GRID2: variants seen among roughly 807,000 people sequenced by gnomAD.
The protein encoded by GRID2 is glutamate ionotropic receptor delta type subunit 2.
A neutral mutation model predicts 114.8 loss-of-function variants in GRID2; 33 were observed. The ratio of observed to expected loss-of-function variants is 0.29; its 90% CI spans 0.22 to 0.38. GRID2 has a LOEUF of 0.38. GRID2 is among the 10% of genes least tolerant of loss of function. The pLI is 1.00. For synonymous variants in GRID2, 505 were observed against 449.9 expected, an observed-to-expected ratio of 1.12 and a Z score of -1.55; for missense variants, 1,184 against 1,257.7, an observed-to-expected ratio of 0.94 and a Z score of 0.89.
chr4:92,736,550 G>A (rs928509821), intron 2 of GRID2, among the ~76,000 whole-genome samples: 3 of 151,890 alleles, frequency 2.0e-5, no homozygotes, highest in Non-Finnish European at 4.4e-5. Flanking sequence ...TTAACCTATC[G>A]AATGTCCTAA....
intron 2 of GRID2, among the ~76,000 whole-genome samples, chr4:92,709,376 A>G (rs1162881475): frequency 6.6e-6 from 1 of 151,920 alleles, no homozygotes; most frequent in Non-Finnish European, 1.5e-5. Flanking sequence ...TACGAAGATG[A>G]TTAAGATAAA....
intron 14 of GRID2, among the ~76,000 whole-genome samples, chr4:93,763,232 G>A (rs1560984903): frequency 6.6e-6 from 1 of 152,058 alleles, no homozygotes; most frequent in Non-Finnish European, 1.5e-5. Flanking sequence ...AAAAGAGTAA[G>A]GGAAAAGAGA....
chr4:93,034,149 AG>A (rs1300032330), intron 2 of GRID2, among the ~76,000 whole-genome samples: 2 of 152,208 alleles, frequency 1.3e-5, no homozygotes, highest in African/African-American at 4.8e-5. Context: ...TGAACAACAT[AG>A]GGAAAGAAGA....
At chr4:92,757,237 T>C (rs1737762988) in intron 2 of GRID2, among the ~76,000 whole-genome samples, 1 of 152,112 alleles carries the variant, frequency 6.6e-6, no homozygotes. Context: ...GGAGAATACA[T>C]TGTGGAGGCC....
Position 92,669,929 on chromosome 4 carries a change from A to G in GRID2, c.244+79643A>G, listed in dbSNP as rs533722688. ...AATCAACTAAAGAGAACTTCCAGAT[A>G]TATTCTGTACTGTAGGTAATTGAGC... is the stretch of plus-strand genomic sequence containing the variant. On this transcript the variant is annotated intron_variant, in intron 2 of 15. Coordinates refer to ENST00000282020, the MANE Select transcript of GRID2 (RefSeq NM_001510.4). Among the ~76,000 whole-genome samples, 4 of 152,152 alleles carry G rather than the reference A, an allele frequency of 2.6e-5. No homozygotes were observed. In the East Asian group the frequency reaches 7.7e-4, roughly 29 times the overall value.
chr4:93,729,927 A>G (rs939330112), intron 14 of GRID2, among the ~76,000 whole-genome samples: 2 of 152,210 alleles, frequency 1.3e-5, no homozygotes, highest in Admixed American at 1.3e-4. Flanking sequence ...AATTTCCAGG[A>G]CAGCAGAGAG....
intron 13 of GRID2, among the ~76,000 whole-genome samples, chr4:93,617,664 A>T (rs1458376800): frequency 1.3e-5 from 2 of 152,136 alleles, no homozygotes; most frequent in African/African-American, 4.8e-5. Context: ...TCAGAAAAAA[A>T]CCAGTATCGA....
At chr4:93,431,686 G>A (rs557986151) in intron 10 of GRID2, among the ~76,000 whole-genome samples, 1 of 152,256 alleles carries the variant, frequency 6.6e-6, no homozygotes, top group South Asian at 2.1e-4. Context: ...ATGGAGAGGG[G>A]AAGAAAGAGA....
chr4:93,454,128 G>A (rs764476721), intron 10 of GRID2, among the ~76,000 whole-genome samples: 8 of 152,048 alleles, frequency 5.3e-5, no homozygotes, highest in East Asian at 1.9e-4. Flanking sequence ...TTCATATAGC[G>A]TTATTAAGTT....
chr4:93,691,587 T>C (rs1726569384), intron 14 of GRID2, among the ~76,000 whole-genome samples: 1 of 152,114 alleles, frequency 6.6e-6, no homozygotes, highest in Non-Finnish European at 1.5e-5. Context: ...TTTTCATTTA[T>C]AGAATAGAAG....
At chr4:92,621,978 A>G (rs1456846736) in intron 2 of GRID2, among the ~76,000 whole-genome samples, 1 of 151,872 alleles carries the variant, frequency 6.6e-6, no homozygotes, top group Non-Finnish European at 1.5e-5. Flanking sequence ...TTTGTTAAAC[A>G]TTGAACTATT....
intron 3 of GRID2, among the ~76,000 whole-genome samples, chr4:93,103,117 T>G (rs1731857597): frequency 6.6e-6 from 1 of 151,976 alleles, no homozygotes; most frequent in Non-Finnish European, 1.5e-5. Flanking sequence ...TGAATTACCC[T>G]CCGCTTAGGG....
At chr4:92,310,156 A>G (rs573117138) in intron 1 of GRID2, among the ~76,000 whole-genome samples, 5 of 152,138 alleles carry the variant, frequency 3.3e-5, no homozygotes, top group Admixed American at 6.5e-5. Flanking sequence ...TACTATCACT[A>G]CAAGTACCAC....
intron 2 of GRID2, among the ~76,000 whole-genome samples, chr4:92,996,328 T>G (rs1755196272): frequency 6.6e-6 from 1 of 151,892 alleles, no homozygotes; most frequent in Non-Finnish European, 1.5e-5. Context: ...AAAATAATAA[T>G]CTTATTTCGA....
intron 2 of GRID2, among the ~76,000 whole-genome samples, chr4:92,690,673 A>T (rs1470309879): frequency 6.6e-6 from 1 of 152,212 alleles, no homozygotes; most frequent in Non-Finnish European, 1.5e-5. Flanking sequence ...TTATACCTGT[A>T]TATAAAAATT....
chr4:92,331,024 C>T (rs1726856379), intron 1 of GRID2, among the ~76,000 whole-genome samples: 1 of 152,036 alleles, frequency 6.6e-6, no homozygotes, highest in South Asian at 2.1e-4. Context: ...GTGTTATTCA[C>T]TGTGGAGGTA....
rs372513772 is a variant in GRID2, at chr4:92,645,637, T to C, written c.244+55351T>C. On this transcript the variant is annotated intron_variant, in intron 2 of 15. Coordinates refer to ENST00000282020, the MANE Select transcript of GRID2 (RefSeq NM_001510.4). ...TCCACAAAGTTTCTTCATGCTCCTA[T>C]CCAGACAAGCCCCCATCTCCCTGCT... Among the ~76,000 whole-genome samples, 7 of 151,800 alleles carry C rather than the reference T, an allele frequency of 4.6e-5. No homozygotes were observed. The East Asian group carries it at 1.2e-3, about 25-fold the overall frequency.
intron 14 of GRID2, among the ~76,000 whole-genome samples, chr4:93,702,490 C>T (rs575656133): frequency 6.6e-6 from 1 of 152,186 alleles, no homozygotes; most frequent in South Asian, 2.1e-4. Flanking sequence ...TTATTTTATT[C>T]ATGGGTATTT....
At chr4:92,317,057 A>G (rs970301899) in intron 1 of GRID2, among the ~76,000 whole-genome samples, 5 of 152,210 alleles carry the variant, frequency 3.3e-5, no homozygotes, top group African/African-American at 1.2e-4. Context: ...TAAGCTAATG[A>G]GATCTTTTCT....
Sources: allele counts gnomAD v4.1 joint callset (sites outside exome capture counted in the v4.1 genomes callset), GRCh38; gene constraint gnomAD v4.1.1; transcripts MANE v1.5; gene names NCBI Gene and HGNC (gene_info 2026-07-23, HGNC 2026-07-21).